Variants in MAGI2 observed in about 807,000 individuals in gnomAD.
MAGI2 encodes membrane-associated guanylate kinase, WW and PDZ domain-containing protein 2.
MAGI2 carries 35 observed loss-of-function variants against 133.3 expected under a neutral mutation model. That is an observed-to-expected ratio of 0.26 (90% confidence interval 0.20 to 0.35). The LOEUF is 0.35. MAGI2 is among the 10% of genes least tolerant of loss of function. The probability of loss-of-function intolerance (pLI) is 1.00; values close to 1 mark genes in which losing one functional copy is unlikely to be tolerated. For synonymous variants in MAGI2, 729 were observed against 710.6 expected (o/e 1.03, Z -0.41); for missense variants, 1,636 against 1,863.4 (o/e 0.88, Z 2.25).
intron 21 of MAGI2, among the ~76,000 whole-genome samples, chr7:78,054,361 T>C (rs867143567): frequency 5.9e-5 from 9 of 152,180 alleles, no homozygotes; most frequent in Middle Eastern, 3.4e-3. Context: ...CCTGACCTCA[T>C]GATCCGCCTA....
intron 21 of MAGI2, among the ~76,000 whole-genome samples, chr7:78,073,312 T>G (rs1010194123): frequency 2.8e-5 from 4 of 144,346 alleles, no homozygotes; most frequent in Non-Finnish European, 4.5e-5. Flanking sequence ...GATTGGCTGT[T>G]TCTCCCCCTT....
intron 2 of MAGI2, among the ~76,000 whole-genome samples, chr7:78,806,143 T>G (rs1043347704): frequency 6.6e-6 from 1 of 152,156 alleles, no homozygotes; most frequent in Non-Finnish European, 1.5e-5. Context: ...GCAGTATAAG[T>G]GATACTGCTT....
Position 78,019,493 on chromosome 7 carries a change from C to T in MAGI2, c.4190G>A (p.Ser1397Asn), listed in dbSNP as rs983574532. Residue 1397 changes from serine to asparagine, a missense_variant, in exon 22 of 22, where the codon AGC (serine) becomes AAC (asparagine). Ser to Asn is a conservative substitution (Grantham distance 46). This residue lies in a region of MAGI2 where 354 missense variants were observed against 298.7 expected (regional missense o/e 1.19). Coordinates refer to ENST00000354212, the MANE Select transcript of MAGI2 (RefSeq NM_012301.4). ...PAFAGPGGGG[S>N]GALEAEGRAG... ...CCTGCCCTCGGCCTCCAGCGCGCCG[C>T]TGCCGCCGCCGCCCGGGCCGGCAAA... The T allele has an allele frequency of 5.4e-4, 529 of 980,306 alleles. No homozygotes were observed. The highest frequency in any genetic ancestry group is 6.2e-4 in the Non-Finnish European group (511 of 828,210). 60.7% of individuals were successfully genotyped at this position (980,306 alleles called of 1,614,324 possible).
At chr7:79,001,173 C>T (rs1036078488) in intron 2 of MAGI2, among the ~76,000 whole-genome samples, 1 of 152,172 alleles carries the variant, frequency 6.6e-6, no homozygotes, top group Non-Finnish European at 1.5e-5. Context: ...CCTCGGCCTC[C>T]CAAAGTGCTG....
intron 1 of MAGI2, among the ~76,000 whole-genome samples, chr7:79,378,235 G>T (rs1039812248): frequency 6.7e-6 from 1 of 149,436 alleles, no homozygotes; most frequent in Non-Finnish European, 1.5e-5. Flanking sequence ...ACAGGAAAAG[G>T]TCATTTTGAA....
At chr7:78,862,382 C>T (rs1215454599) in intron 2 of MAGI2, among the ~76,000 whole-genome samples, 1 of 152,168 alleles carries the variant, frequency 6.6e-6, no homozygotes, top group East Asian at 1.9e-4. Flanking sequence ...ATTTGCCTTT[C>T]AAATATTTGG....
chr7:78,028,022 GT>G (rs1224487940), intron 21 of MAGI2, among the ~76,000 whole-genome samples: 1 of 152,234 alleles, frequency 6.6e-6, no homozygotes, highest in African/African-American at 2.4e-5. Context: ...TCAAAGGACA[GT>G]AATGTGAAGT....
chr7:78,841,902 G>A (rs1792175588), intron 2 of MAGI2, among the ~76,000 whole-genome samples: 1 of 151,792 alleles, frequency 6.6e-6, no homozygotes, highest in African/African-American at 2.4e-5. Flanking sequence ...TATTTCCTTA[G>A]AGCCCTGCAC....
intron 1 of MAGI2, among the ~76,000 whole-genome samples, chr7:79,059,821 T>C (rs1813537122): frequency 1.3e-5 from 2 of 152,180 alleles, no homozygotes; most frequent in Non-Finnish European, 2.9e-5. Context: ...AAGAACCTAG[T>C]TGATCAGTTC....
Position 78,194,885 on chromosome 7 carries a change from T to A in MAGI2, c.2258A>T (p.Tyr753Phe), listed in dbSNP as rs368940838. ...YELYEKSRAI[Y>F]ESRQQVPPRT... ...TGGCTTTCACTTACGCCTACTTTCATAAATGGCCCTAGATTTCTCGTAGAG... is the reference window on the plus strand; with the variant it reads ...TGGCTTTCACTTACGCCTACTTTCAAAAATGGCCCTAGATTTCTCGTAGAG... Residue 753 changes from tyrosine (Y) to phenylalanine (F), a missense_variant, in exon 12 of 22, where the codon TAT becomes TTT. By Grantham distance (22) the Tyr-to-Phe change is conservative. Around this residue, in one of 5 missense-constraint regions of MAGI2, gnomAD observed 920 missense variants for 1,093.5 expected, o/e 0.84. Transcript: ENST00000354212. 1 of 1,602,284 alleles carries A rather than the reference T, an allele frequency of 6.2e-7. No individual in the cohort carries two copies. The highest frequency in any genetic ancestry group is 1.3e-5 in the African/African-American group (1 of 74,122).
intron 1 of MAGI2, among the ~76,000 whole-genome samples, chr7:79,118,547 A>T (rs1819602231): frequency 1.3e-5 from 2 of 152,160 alleles, no homozygotes; most frequent in African/African-American, 4.8e-5. Context: ...CTTAATCAGC[A>T]TATTTGGGGA....
intron 3 of MAGI2, among the ~76,000 whole-genome samples, chr7:78,573,364 A>AT (rs1801905487): frequency 2.7e-5 from 1 of 36,930 alleles, no homozygotes; most frequent in Non-Finnish European, 4.0e-5. Flanking sequence ...AGAATCCTGG[A>AT]AATATATATA....
intron 1 of MAGI2, among the ~76,000 whole-genome samples, chr7:79,402,585 C>T (rs1174284030): frequency 6.6e-6 from 1 of 152,150 alleles, no homozygotes; most frequent in African/African-American, 2.4e-5. Flanking sequence ...CTTGTATCCT[C>T]TAAGTCCGGT....
chr7:79,144,169 C>T (rs558463440), intron 1 of MAGI2, among the ~76,000 whole-genome samples: 4 of 152,268 alleles, frequency 2.6e-5, no homozygotes, highest in South Asian at 2.1e-4. Context: ...GTGCTAGGCA[C>T]ATAAGAGGCA....
intron 2 of MAGI2, among the ~76,000 whole-genome samples, chr7:78,907,549 G>T (rs1798076749): frequency 6.6e-6 from 1 of 152,084 alleles, no homozygotes; most frequent in Non-Finnish European, 1.5e-5. Context: ...ATTTTTTCTA[G>T]TCAAACCTTG....
intron 1 of MAGI2, among the ~76,000 whole-genome samples, chr7:79,252,220 A>G (rs1833355345): frequency 1.3e-5 from 2 of 151,908 alleles, no homozygotes; most frequent in Admixed American, 1.3e-4. Flanking sequence ...GTATATATAC[A>G]TGATGAAATA....
chr7:78,145,599 T>C (rs543255600), intron 16 of MAGI2, among the ~76,000 whole-genome samples: 44 of 152,268 alleles, frequency 2.9e-4, no homozygotes, highest in African/African-American at 1.0e-3. Context: ...TGGCCCCCTG[T>C]TGTTCTCTTT....
chr7:78,311,787 T>C (rs1199197830), intron 9 of MAGI2, among the ~76,000 whole-genome samples: 1 of 152,056 alleles, frequency 6.6e-6, no homozygotes, highest in Non-Finnish European at 1.5e-5. Context: ...TTTTTTTTTT[T>C]TGAGACAGGA....
At chr7:78,988,201 T>A (rs1416750718) in intron 2 of MAGI2, among the ~76,000 whole-genome samples, 1 of 152,050 alleles carries the variant, frequency 6.6e-6, no homozygotes, top group Non-Finnish European at 1.5e-5. Context: ...TTTACATCCA[T>A]GTCCAGAACT....
Sources: allele counts gnomAD v4.1 joint callset (sites outside exome capture counted in the v4.1 genomes callset), GRCh38; gene constraint gnomAD v4.1.1; regional missense constraint gnomAD v4.1.1; transcripts MANE v1.5; gene names NCBI Gene and HGNC (gene_info 2026-07-23, HGNC 2026-07-21).